CFAP52: variants seen among roughly 807,000 people sequenced by gnomAD.
The protein encoded by CFAP52 is cilia and flagella associated protein 52.
A neutral mutation model predicts 70.5 loss-of-function variants in CFAP52; 57 were observed. That is an observed-to-expected ratio of 0.81 (90% CI 0.65 to 1.01). The LOEUF is 1.01. Ranked by LOEUF, CFAP52 falls within the 50% of genes least tolerant of loss-of-function variation. The probability of loss-of-function intolerance (pLI) is 0.00; values close to 1 mark genes in which losing one functional copy is unlikely to be tolerated. For missense variants in CFAP52, 785 were observed against 788.5 expected (o/e 1.00, Z 0.05); for synonymous variants, 267 against 292.5 (o/e 0.91, Z 0.89).
chr17:9,591,777 C>G (rs1220389652), intron 3 of CFAP52, among the ~76,000 whole-genome samples: 1 of 151,610 alleles, frequency 6.6e-6, no homozygotes, highest in African/African-American at 2.4e-5. Flanking sequence ...ACTTGGGAGG[C>G]TGAAGTGGGA....
intron 1 of CFAP52, among the ~76,000 whole-genome samples, chr17:9,585,142 C>A (rs888103767): frequency 3.3e-5 from 5 of 152,112 alleles, no homozygotes; most frequent in African/African-American, 4.8e-5. Flanking sequence ...TTTAGGATTA[C>A]GAGAATTGGC....
At chr17:9,629,453 C>T (rs900674344) in intron 9 of CFAP52, among the ~76,000 whole-genome samples, 6 of 151,806 alleles carry the variant, frequency 4.0e-5, no homozygotes, top group African/African-American at 1.2e-4. Flanking sequence ...GAAACCATCT[C>T]GCCCCTCTTT....
intron 10 of CFAP52, among the ~76,000 whole-genome samples, chr17:9,633,947 C>T (rs1910665319): frequency 6.6e-6 from 1 of 152,152 alleles, no homozygotes; most frequent in Non-Finnish European, 1.5e-5. Context: ...TCCCAAAGTG[C>T]TGGGATTACA....
At chr17:9,596,057 G>GTATATATATATA (rs1322554543) in intron 4 of CFAP52, among the ~76,000 whole-genome samples, 1 of 103,592 alleles carries the variant, frequency 9.7e-6, no homozygotes, top group Admixed American at 1.0e-4. Context: ...ATATATGTGT[G>GTATATATATATA]TGTATATATA....
chr17:9,596,360 CA>C (rs1446894150), intron 4 of CFAP52, among the ~76,000 whole-genome samples: 2 of 151,870 alleles, frequency 1.3e-5, no homozygotes, highest in African/African-American at 4.8e-5. Flanking sequence ...CTCGGCCTCC[CA>C]AAGGGCTAGG....
At chr17:9,641,062 G>T (rs1911033494) in intron 12 of CFAP52, among the ~76,000 whole-genome samples, 1 of 152,154 alleles carries the variant, frequency 6.6e-6, no homozygotes, top group African/African-American at 2.4e-5. Flanking sequence ...ATCTTGAATA[G>T]ATTGTGCATT....
At chr17:9,577,414 T>C (rs1052748690) in intron 1 of CFAP52, among the ~76,000 whole-genome samples, 5 of 152,238 alleles carry the variant, frequency 3.3e-5, no homozygotes, top group African/African-American at 9.6e-5. Flanking sequence ...TGTGACTGCC[T>C]ATTGTTTTGA....
intron 1 of CFAP52, chr17:9,584,078 T>C: frequency 2.0e-6 from 1 of 508,958 alleles, no homozygotes; most frequent in Non-Finnish European, 2.7e-6. Context: ...AGTTAGTCAA[T>C]ATGTTGGGGC....
chr17:9,612,848 A>G lies in CFAP52; in HGVS notation c.1025+369A>G, dbSNP rs1310113396. ...TAAAAGCAAAATGTATTCAGTAGAA[A>G]CTATATTTCAAGTACACATACAACT... On this transcript the variant is annotated intron_variant, in intron 8 of 13. Coordinates refer to ENST00000352665, the MANE Select transcript of CFAP52 (RefSeq NM_145054.5). 3.3e-5 allele frequency among the ~76,000 whole-genome samples: 5 copies of G among 152,308 alleles called. No homozygotes were observed. The East Asian group carries it at 9.6e-4, about 29-fold the overall frequency.
At chr17:9,585,540 G>A (rs539198381) in intron 1 of CFAP52, among the ~76,000 whole-genome samples, 101 of 152,034 alleles carry the variant, frequency 6.6e-4, no homozygotes, top group South Asian at 2.5e-3. Flanking sequence ...GTGTGGTGGC[G>A]GGTGCCTGTA....
rs143568386 is a variant in CFAP52 at position 9,608,416 on chromosome 17, A to G, written c.854+197A>G. Among the ~76,000 whole-genome samples the G allele has an allele frequency of 4.3e-3, 654 of 152,362 alleles. 6 individuals are homozygous for G. The highest frequency in any genetic ancestry group is 0.015 in the African/African-American group (617 of 41,582). ...AAAGACAAAAGCTTATGTTGAATCA[A>G]ACCAAAGTAGTCCACTATTACCCAG... On this transcript the variant is annotated intron_variant, in intron 7 of 13. Transcript: ENST00000352665.
chr17:9,627,004 AC>A (rs1205368178), intron 8 of CFAP52, among the ~76,000 whole-genome samples: 8 of 152,100 alleles, frequency 5.3e-5, no homozygotes, highest in African/African-American at 1.9e-4. Context: ...ATACTTATGA[AC>A]CAAATGGTCT....
At chr17:9,599,383 G>A (rs1212760720) in intron 5 of CFAP52, among the ~76,000 whole-genome samples, 1 of 152,092 alleles carries the variant, frequency 6.6e-6, no homozygotes, top group Non-Finnish European at 1.5e-5. Context: ...TATAAGCTTT[G>A]GAAAATATGA....
chr17:9,593,958 T>C (rs1048560113), intron 3 of CFAP52, among the ~76,000 whole-genome samples: 6 of 151,996 alleles, frequency 3.9e-5, no homozygotes, highest in African/African-American at 1.4e-4. Flanking sequence ...AGAGTGAAAC[T>C]CCATCTCAAA....
At chr17:9,595,194 C>G (rs1908944704) in intron 4 of CFAP52, among the ~76,000 whole-genome samples, 1 of 151,978 alleles carries the variant, frequency 6.6e-6, no homozygotes, top group Non-Finnish European at 1.5e-5. Context: ...ATGTTATATA[C>G]CAGTTCAGAG....
At chr17:9,635,375 G>T in intron 10 of CFAP52, 30 bp from the exon 11 acceptor site, 2 of 1,613,062 alleles carry the variant, frequency 1.2e-6, no homozygotes, top group South Asian at 1.1e-5. Context: ...CCCAAGTGTG[G>T]ATCAAGATCC....
At chr17:9,638,458 T>C in intron 11 of CFAP52, 151 bp from the exon 12 acceptor site, 1 of 669,364 alleles carries the variant, frequency 1.5e-6, no homozygotes, top group East Asian at 2.8e-5. Context: ...TTTGAAGAAA[T>C]ACAAGCACCA....
chr17:9,639,054 G>A lies in CFAP52; in HGVS notation c.1575+343G>A, dbSNP rs118154450. 3.4e-3 allele frequency: 794 copies of A among 233,674 alleles called. 4 individuals are homozygous for A. The highest frequency in any genetic ancestry group is 5.6e-3 in the Non-Finnish European group (661 of 118,960). 14.5% of individuals were successfully genotyped at this position (233,674 alleles called of 1,614,324 possible). ...GGAGTAGAATTGCTGTGCCCAAACC[G>A]GTTATCACTTTGACTAAATTCAGAC... is the stretch of plus-strand genomic sequence containing the variant. On this transcript the variant is annotated intron_variant, in intron 12 of 13. Transcript: ENST00000352665.
chr17:9,608,547 A>T (rs1909596452), intron 7 of CFAP52, among the ~76,000 whole-genome samples: 1 of 152,232 alleles, frequency 6.6e-6, no homozygotes, highest in Non-Finnish European at 1.5e-5. Context: ...AATAACCCCC[A>T]ATGTTAAATG....
Sources: gnomAD v4.1 joint callset for allele counts (sites outside exome capture counted in the v4.1 genomes callset) on GRCh38, gnomAD v4.1.1 for gene constraint, MANE v1.5 for transcripts, NCBI Gene and HGNC (gene_info 2026-07-23, HGNC 2026-07-21) for gene names.